MAGT1: variants seen among roughly 807,000 people sequenced by gnomAD.
MAGT1 encodes dolichyl-diphosphooligosaccharide--protein glycosyltransferase subunit MAGT1.
Under a neutral mutation model 28.4 loss-of-function variants are expected in MAGT1, and 4 were observed. The observed-to-expected ratio is 0.14, with a 90% confidence interval of 0.07 to 0.32. The LOEUF (loss-of-function observed/expected upper bound fraction) is 0.32, where lower values mean the gene tolerates loss of function less well. Among genes scored for constraint, MAGT1 ranks in the 10% least tolerant of loss-of-function variants. The pLI is 1.00. For missense variants in MAGT1, 193 were observed against 264.5 expected, an observed-to-expected ratio of 0.73 and a Z score of 1.88; for synonymous variants, 89 against 89.7, an observed-to-expected ratio of 0.99 and a Z score of 0.04.
intron 1 of MAGT1, among the ~76,000 whole-genome samples, chrX:77,875,836 G>A (rs1172275932): frequency 9.1e-6 from 1 of 109,788 alleles, no homozygotes; most frequent in African/African-American, 3.3e-5. Flanking sequence ...ATGAATGAAT[G>A]AATAAACGAA....
intron 2 of MAGT1, 26 bp from the exon 3 acceptor site, chrX:77,870,951 T>C (rs782441299): frequency 1.8e-5 from 20 of 1,082,222 alleles, no homozygotes; most frequent in Admixed American, 4.4e-5. Context: ...TTCGTAAAGA[T>C]AACATATAAA....
chrX:77,893,495 T>C (rs1311685184), intron 1 of MAGT1, among the ~76,000 whole-genome samples: 2 of 111,662 alleles, frequency 1.8e-5, no homozygotes, highest in African/African-American at 6.5e-5. Flanking sequence ...ACAAAACCTA[T>C]TTTCAGCTAG....
At chrX:77,837,190 G>C (rs1250382376) in intron 8 of MAGT1, 2 of 111,019 alleles carry the variant, frequency 1.8e-5, no homozygotes, top group Admixed American at 9.8e-5. Flanking sequence ...TTTTTAAACA[G>C]TCAGGCAAAG....
At chrX:77,888,366 T>G (rs1165111124) in intron 1 of MAGT1, among the ~76,000 whole-genome samples, 1 of 111,397 alleles carries the variant, frequency 9.0e-6, no homozygotes, top group African/African-American at 3.3e-5. Flanking sequence ...AAGTTTAAAG[T>G]CTTTCTCTTC....
chrX:77,886,708 T>C (rs987931490), intron 1 of MAGT1, among the ~76,000 whole-genome samples: 2 of 111,425 alleles, frequency 1.8e-5, no homozygotes, highest in African/African-American at 6.5e-5. Flanking sequence ...CCCCAGTACA[T>C]TTGATTCAGT....
chrX:77,855,795 G>C (rs2076980057), intron 5 of MAGT1, among the ~76,000 whole-genome samples: 1 of 109,234 alleles, frequency 9.2e-6, no homozygotes, highest in Non-Finnish European at 1.9e-5. Context: ...TTTTGACATG[G>C]AGTCTCGCTC....
intron 7 of MAGT1, among the ~76,000 whole-genome samples, chrX:77,850,395 G>A (rs1238299907): frequency 9.9e-6 from 1 of 101,228 alleles, no homozygotes; most frequent in Non-Finnish European, 2.0e-5. Context: ...AGGATCGCTT[G>A]AACCCAGGAG....
chrX:77,842,505 T>C (rs1456546780), intron 7 of MAGT1, among the ~76,000 whole-genome samples: 1 of 111,964 alleles, frequency 8.9e-6, no homozygotes, highest in East Asian at 2.8e-4. Context: ...ACTACTAACC[T>C]ATCTAATTTT....
In MAGT1 at chrX:77,886,474, T is replaced by TA. The variant is rs1167359025; in HGVS notation, c.102+8834dup. Among the ~76,000 whole-genome samples the TA allele has an allele frequency of 7.6e-5, 8 of 105,682 alleles. No homozygotes were observed. The East Asian group carries it at 8.8e-4, about 12-fold the overall frequency. The allele number at this position is 105,682 out of a possible 115,157, so 91.8% of individuals were successfully genotyped here. On this transcript the variant is annotated intron_variant, in intron 1 of 9. Coordinates refer to ENST00000618282, the MANE Select transcript of MAGT1 (RefSeq NM_001367916.1). ...AGACTCTGTCTGTATTTTATAAAAT[T>TA]AAAAAAAAAATGCAGACTTCTGGCC...
At chrX:77,882,687 C>A (rs1037353829) in intron 1 of MAGT1, among the ~76,000 whole-genome samples, 1 of 110,568 alleles carries the variant, frequency 9.0e-6, no homozygotes, top group East Asian at 2.8e-4. Context: ...AAATTTATGG[C>A]CAGGCATGGT....
chrX:77,863,019 T>A (rs1414197142), intron 3 of MAGT1, among the ~76,000 whole-genome samples: 1 of 107,950 alleles, frequency 9.3e-6, no homozygotes, highest in Non-Finnish European at 1.9e-5. Context: ...ATACAAAAAT[T>A]AGCTGGGTGT....
In MAGT1 at chrX:77,881,162, C is replaced by G. The variant is rs5959873; in HGVS notation, c.103-5565G>C. Among the ~76,000 whole-genome samples, 823 of 110,138 alleles carry G rather than the reference C, an allele frequency of 7.5e-3. 3 individuals carry two copies. Among genetic ancestry groups the G allele is most frequent in the Non-Finnish European group, 0.012 (628 of 52,827 alleles). On this transcript the variant is annotated intron_variant, in intron 1 of 9. Coordinates refer to ENST00000618282, the MANE Select transcript of MAGT1 (RefSeq NM_001367916.1). ...AAAATGAATTGCTATTATTTGATAC[C>G]GTTTTAATGATTCTCAGAGCACAGA...
At chrX:77,891,546 T>C (rs948281107) in intron 1 of MAGT1, among the ~76,000 whole-genome samples, 2 of 111,479 alleles carry the variant, frequency 1.8e-5, no homozygotes, top group African/African-American at 6.5e-5. Flanking sequence ...TTCGAAGGGG[T>C]TAATACTTAC....
chrX:77,840,538 A>C (rs2076932098), intron 8 of MAGT1, among the ~76,000 whole-genome samples: 2 of 111,815 alleles, frequency 1.8e-5, no homozygotes, highest in African/African-American at 6.5e-5. Flanking sequence ...GGAATAGTTA[A>C]ATTATAATAT....
chrX:77,871,323 A>G (rs2077019905), intron 2 of MAGT1, among the ~76,000 whole-genome samples: 1 of 112,810 alleles, frequency 8.9e-6, no homozygotes, highest in East Asian at 2.8e-4. Context: ...CAGAAATACA[A>G]TATTAATTCA....
intron 3 of MAGT1, among the ~76,000 whole-genome samples, chrX:77,862,676 A>T (rs929269444): frequency 1.8e-5 from 2 of 111,715 alleles, no homozygotes; most frequent in Non-Finnish European, 3.8e-5. Context: ...TCATCAGGGA[A>T]ACGCAAATCA....
At chrX:77,833,921 G>A (rs1211160117) in intron 8 of MAGT1, among the ~76,000 whole-genome samples, 2 of 110,428 alleles carry the variant, frequency 1.8e-5, no homozygotes, top group Non-Finnish European at 3.8e-5. Flanking sequence ...TAGTACTGGT[G>A]TAAAAACAGA....
chrX:77,891,592 T>C (rs1557219488), intron 1 of MAGT1, among the ~76,000 whole-genome samples: 1 of 111,443 alleles, frequency 9.0e-6, no homozygotes, highest in African/African-American at 3.3e-5. Flanking sequence ...AGATAATGAG[T>C]GTAAACTATA....
intron 8 of MAGT1, among the ~76,000 whole-genome samples, chrX:77,834,867 T>G (rs1195410891): frequency 9.1e-6 from 1 of 110,171 alleles, no homozygotes; most frequent in East Asian, 2.8e-4. Flanking sequence ...ACAGTACCCA[T>G]GTGACAAGGG....
Sources: allele counts gnomAD v4.1 joint callset (sites outside exome capture counted in the v4.1 genomes callset), GRCh38; gene constraint gnomAD v4.1.1; transcripts MANE v1.5; gene names NCBI Gene and HGNC (gene_info 2026-07-23, HGNC 2026-07-21).